The following C12orf42 variants were observed in gnomAD, a reference collection of about 807,000 sequenced individuals.
C12orf42 encodes uncharacterized protein C12orf42.
C12orf42 carries 25 observed loss-of-function variants against 21.6 expected under a neutral mutation model. The observed-to-expected ratio is 1.16, with a 90% confidence interval of 0.84 to 1.62. C12orf42 has a LOEUF of 1.62. Ranked by LOEUF, C12orf42 falls within the 40% of genes most tolerant of loss-of-function variation. The probability of loss-of-function intolerance (pLI) is 0.00; values close to 1 mark genes in which losing one functional copy is unlikely to be tolerated. For missense variants in C12orf42, 483 were observed against 459.3 expected (o/e 1.05, Z -0.47); for synonymous variants, 174 against 175.0 (o/e 0.99, Z 0.05).
chr12:103,468,111 T>G (rs991786685), intron 2 of C12orf42, among the ~76,000 whole-genome samples: 2 of 152,254 alleles, frequency 1.3e-5, no homozygotes, highest in Non-Finnish European at 2.9e-5. Context: ...TATTTCTGAA[T>G]GTGAGTCATT....
intron 1 of C12orf42, among the ~76,000 whole-genome samples, chr12:103,484,851 G>A (rs1199031728): frequency 6.7e-6 from 1 of 148,646 alleles, no homozygotes; most frequent in South Asian, 2.1e-4. Context: ...GTAAGGAAGG[G>A]ATCTGGTTTC....
the C12orf42 span, among the ~76,000 whole-genome samples, chr12:103,507,265 T>C: frequency 1.7e-4 from 9 of 54,158 alleles, 1 homozygote; most frequent in South Asian, 6.9e-3. Flanking sequence ...AAATATATAA[T>C]ATATATATTA....
chr12:103,453,038 A>C (rs1412047839), intron 2 of C12orf42, among the ~76,000 whole-genome samples: 1 of 151,636 alleles, frequency 6.6e-6, no homozygotes, highest in African/African-American at 2.4e-5. Flanking sequence ...AAAAAAAAAG[A>C]AAAGGAAATT....
chr12:103,206,354 C>T, the C12orf42 span, among the ~76,000 whole-genome samples: 1 of 152,210 alleles, frequency 6.6e-6, no homozygotes, highest in Non-Finnish European at 1.5e-5. Flanking sequence ...TTGCAGGAAG[C>T]TCTAAGCCAG....
intron 2 of C12orf42, among the ~76,000 whole-genome samples, chr12:103,446,564 T>C (rs1246101718): frequency 3.9e-5 from 6 of 151,990 alleles, no homozygotes; most frequent in Non-Finnish European, 1.5e-5. Flanking sequence ...AGATATGGAA[T>C]GGAAGAAGTG....
chr12:103,519,095 C>G, the C12orf42 span, among the ~76,000 whole-genome samples: 1 of 152,064 alleles, frequency 6.6e-6, no homozygotes, highest in Non-Finnish European at 1.5e-5. Flanking sequence ...CTGATGGTTT[C>G]ATAAGGAGTT....
At chr12:103,433,445 T>C (rs986427876) in intron 2 of C12orf42, among the ~76,000 whole-genome samples, 2 of 152,166 alleles carry the variant, frequency 1.3e-5, no homozygotes, top group Non-Finnish European at 1.5e-5. Flanking sequence ...AGGTAGATAT[T>C]ATGTGCCTCA....
the C12orf42 span, among the ~76,000 whole-genome samples, chr12:103,130,615 A>T: frequency 6.6e-6 from 1 of 151,912 alleles, no homozygotes; most frequent in African/African-American, 2.4e-5. Flanking sequence ...GCACCCATGG[A>T]GGGGAGAGGA....
At chr12:103,142,027 A>T in the C12orf42 span, among the ~76,000 whole-genome samples, 3 of 152,226 alleles carry the variant, frequency 2.0e-5, no homozygotes, top group Non-Finnish European at 4.4e-5. Flanking sequence ...AACTAAAAAC[A>T]TCCTAGACAT....
chr12:103,088,824 C>T, the C12orf42 span, among the ~76,000 whole-genome samples: 1 of 152,208 alleles, frequency 6.6e-6, no homozygotes, highest in African/African-American at 2.4e-5. Context: ...ATCAACTCAG[C>T]TGGGTGCGGT....
intron 4 of C12orf42, among the ~76,000 whole-genome samples, chr12:103,362,366 A>G (rs1266618428): frequency 6.6e-6 from 1 of 152,140 alleles, no homozygotes; most frequent in Non-Finnish European, 1.5e-5. Context: ...AGCAGCCTTG[A>G]ACCCCAGATC....
chr12:103,139,496 A>G, the C12orf42 span, among the ~76,000 whole-genome samples: 1 of 152,186 alleles, frequency 6.6e-6, no homozygotes, highest in Admixed American at 6.5e-5. Context: ...GTATTTCAAG[A>G]TATTGATTTA....
rs560768668 is a variant in C12orf42 at position 103,387,873 on chromosome 12, TCTAA to T, written c.147+13730_147+13733del. On this transcript the variant is annotated intron_variant, in intron 3 of 5. Transcript: ENST00000548883. The stretch of plus-strand genomic sequence containing the variant: ...AGTCCTGAGACGTCCCTCTCACTTT[TCTAA>T]CTGATATTCCCTTCCCTTTCCTCTC... Among the ~76,000 whole-genome samples the T allele has an allele frequency of 1.7e-3, 264 of 152,352 alleles. 1 individual carries two copies. The highest frequency in any genetic ancestry group is 6.0e-3 in the African/African-American group (251 of 41,576).
chr12:103,253,479 C>T (rs564244044), intron 10 of C12orf42, among the ~76,000 whole-genome samples: 1 of 152,214 alleles, frequency 6.6e-6, no homozygotes, highest in Non-Finnish European at 1.5e-5. Context: ...TCTCTTATTT[C>T]CTTGAGCAGA....
chr12:103,319,019 C>T (rs2039815632), intron 4 of C12orf42, among the ~76,000 whole-genome samples: 1 of 152,206 alleles, frequency 6.6e-6, no homozygotes, highest in Admixed American at 6.5e-5. Context: ...GTCCAGACAA[C>T]ACCTTAGCTT....
chr12:103,054,197 G>T, the C12orf42 span, among the ~76,000 whole-genome samples: 1 of 151,828 alleles, frequency 6.6e-6, no homozygotes, highest in Admixed American at 6.6e-5. Context: ...TCTTCACAAT[G>T]TTAAGTCTTT....
the C12orf42 span, among the ~76,000 whole-genome samples, chr12:103,105,069 T>A: frequency 6.6e-6 from 1 of 152,184 alleles, no homozygotes; most frequent in African/African-American, 2.4e-5. Flanking sequence ...TAAGGATTTG[T>A]CTTATACAGA....
At chr12:103,310,256 T>A (rs889572024) in intron 4 of C12orf42, among the ~76,000 whole-genome samples, 1 of 148,218 alleles carries the variant, frequency 6.7e-6, no homozygotes, top group Non-Finnish European at 1.5e-5. Context: ...TCTCCCCTAC[T>A]CTCTCTCTCT....
chr12:103,368,030 T>A, intron 4 of C12orf42: 1 of 1,268,336 alleles, frequency 7.9e-7, no homozygotes, highest in Non-Finnish European at 1.0e-6. Flanking sequence ...TCAGTTGTCC[T>A]AAAAACTTCA....
Sources: allele counts gnomAD v4.1 joint callset (sites outside exome capture counted in the v4.1 genomes callset), GRCh38; gene constraint gnomAD v4.1.1; transcripts MANE v1.5; gene names NCBI Gene and HGNC (gene_info 2026-07-23, HGNC 2026-07-21).